The following TSHZ3 variants were observed in gnomAD, a reference collection of about 807,000 sequenced individuals.
TSHZ3 encodes the protein teashirt zinc finger homeobox 3, also known as teashirt homolog 3.
Under a neutral mutation model 64.5 loss-of-function variants are expected in TSHZ3, and 10 were observed. The observed-to-expected ratio is 0.16, with a 90% CI of 0.10 to 0.26. The LOEUF (loss-of-function observed/expected upper bound fraction) is 0.26, where lower values mean the gene tolerates loss of function less well. TSHZ3 is among the 10% of genes least tolerant of loss of function. The pLI, the probability that TSHZ3 is intolerant of heterozygous loss-of-function variation, is 1.00. For synonymous variants in TSHZ3, 608 were observed against 593.1 expected (o/e 1.03, Z -0.36); for missense variants, 1,242 against 1,421.7 (o/e 0.87, Z 2.03).
chr19:31,214,252 C>A (rs776345393), intron 4 of TSHZ3, among the ~76,000 whole-genome samples: 2 of 152,164 alleles, frequency 1.3e-5, no homozygotes, highest in Non-Finnish European at 2.9e-5. Context: ...GGGTCCCAGC[C>A]GCAGGGTAAC....
At chr19:31,172,479 G>A (rs1470350303) in intron 5 of TSHZ3, among the ~76,000 whole-genome samples, 2 of 152,172 alleles carry the variant, frequency 1.3e-5, no homozygotes, top group East Asian at 3.9e-4. Flanking sequence ...TGCAAAACAT[G>A]CAATTCACAC....
intron 1 of TSHZ3, among the ~76,000 whole-genome samples, chr19:31,268,986 G>T (rs1447121699): frequency 6.6e-6 from 1 of 152,122 alleles, no homozygotes; most frequent in Non-Finnish European, 1.5e-5. Context: ...GGTCCCCACA[G>T]GTGCTATCCC....
intron 4 of TSHZ3, among the ~76,000 whole-genome samples, chr19:31,219,716 A>C (rs1309434449): frequency 6.6e-6 from 1 of 151,370 alleles, no homozygotes; most frequent in Non-Finnish European, 1.5e-5. Flanking sequence ...AATTAGGGAA[A>C]GTAATTAAGA....
intron 3 of TSHZ3, among the ~76,000 whole-genome samples, chr19:31,241,450 C>A (rs894841336): frequency 6.6e-6 from 1 of 152,204 alleles, no homozygotes. Context: ...TCCAGCCCCA[C>A]CACACTGCCT....
intron 5 of TSHZ3, among the ~76,000 whole-genome samples, chr19:31,203,485 C>T (rs370279690): frequency 6.6e-6 from 1 of 151,770 alleles, no homozygotes; most frequent in South Asian, 2.1e-4. Context: ...GACTGTAGGG[C>T]ACAAGGTGGG....
At chr19:31,296,653 A>C (rs1976667606) in intron 1 of TSHZ3, among the ~76,000 whole-genome samples, 1 of 152,074 alleles carries the variant, frequency 6.6e-6, no homozygotes, top group Non-Finnish European at 1.5e-5. Flanking sequence ...TGTCATTTTG[A>C]AAGTTATAAA....
intron 4 of TSHZ3, among the ~76,000 whole-genome samples, chr19:31,208,811 A>G (rs1407652519): frequency 6.6e-6 from 1 of 152,124 alleles, no homozygotes; most frequent in Non-Finnish European, 1.5e-5. Context: ...CCATGTGCAG[A>G]TCTTACTTAC....
rs538635029 is a variant in TSHZ3, at chr19:31,307,307, G to A, written c.41-27555C>T. On this transcript the variant is annotated intron_variant, in intron 1 of 1. Transcript: ENST00000240587. ...CATTTTTTTTTTCCATCTGCTTAGT[G>A]CTCCCCCTCCCCATGTTCTGGGAAG... is the stretch of plus-strand genomic sequence containing the variant. Among the ~76,000 whole-genome samples, 83 of 151,798 alleles carry A rather than the reference G, an allele frequency of 5.5e-4. 1 individual carries two copies. Among genetic ancestry groups the A allele is most frequent in the African/African-American group, 1.7e-3 (72 of 41,362 alleles).
In TSHZ3 at chr19:31,164,167, C is replaced by A. The variant is rs574329196; in HGVS notation, n.810-7750G>T. 2.0e-5 allele frequency among the ~76,000 whole-genome samples: 3 copies of A among 152,182 alleles called. No individual in the cohort carries two copies. The South Asian group carries it at 6.3e-4, about 32-fold the overall frequency. On this transcript the variant is annotated intron_variant and non_coding_transcript_variant, in intron 5 of 6. Transcript: ENST00000651361. ...GTAAAGGGGATAGGCATTGGAGCAA[C>A]AGGAAAGAGAACGAGACCAGCCAGG...
At chr19:31,325,770 T>C (rs8101559) in intron 1 of TSHZ3, among the ~76,000 whole-genome samples, 33,663 of 152,074 alleles carry the variant, frequency 0.22, 4,613 homozygotes, top group East Asian at 0.41. Flanking sequence ...AAGAAAAGAC[T>C]AGAAGCAACC....
At chr19:31,228,268 G>A (rs1975496537) in intron 3 of TSHZ3, among the ~76,000 whole-genome samples, 1 of 152,142 alleles carries the variant, frequency 6.6e-6, no homozygotes, top group Non-Finnish European at 1.5e-5. Context: ...GCTCACACCT[G>A]TAATCCCAGC....
At chr19:31,179,996 C>A (rs1974686516) in intron 5 of TSHZ3, among the ~76,000 whole-genome samples, 1 of 152,148 alleles carries the variant, frequency 6.6e-6, no homozygotes, top group Non-Finnish European at 1.5e-5. Flanking sequence ...TACAGCCTAA[C>A]TGTCAGAGCT....
Position 31,156,260 on chromosome 19 carries a change from T to C in TSHZ3, n.871+96A>G, listed in dbSNP as rs1488080091. ...GGAATAGTGTCAGGCACGTAATAGGTATTCAATAAATATTGTTAACTGAAA... is the reference window on the plus strand; with the variant it reads ...GGAATAGTGTCAGGCACGTAATAGGCATTCAATAAATATTGTTAACTGAAA... On this transcript the variant is annotated intron_variant and non_coding_transcript_variant, in intron 6 of 6. Transcript: ENST00000651361. 3.3e-5 allele frequency among the ~76,000 whole-genome samples: 5 copies of C among 152,300 alleles called. No individual in the cohort carries two copies. The East Asian group carries it at 9.6e-4, about 29-fold the overall frequency.
At chr19:31,194,993 T>A (rs954317691) in intron 5 of TSHZ3, among the ~76,000 whole-genome samples, 1 of 151,864 alleles carries the variant, frequency 6.6e-6, no homozygotes, top group Non-Finnish European at 1.5e-5. Flanking sequence ...GAAGAAAGAA[T>A]CTCTGAGCTT....
chr19:31,246,366 T>C (rs1307358150), intron 1 of TSHZ3, among the ~76,000 whole-genome samples: 3 of 152,250 alleles, frequency 2.0e-5, no homozygotes, highest in Non-Finnish European at 4.4e-5. Flanking sequence ...TGTGTTCATG[T>C]ATTACTTGTG....
intron 1 of TSHZ3, among the ~76,000 whole-genome samples, chr19:31,255,423 G>A (rs1050111679): frequency 6.6e-6 from 1 of 152,108 alleles, no homozygotes; most frequent in African/African-American, 2.4e-5. Context: ...TCAGAACAAC[G>A]TCACTAAAGG....
At chr19:31,162,893 A>G (rs903753321) in intron 5 of TSHZ3, among the ~76,000 whole-genome samples, 4 of 152,184 alleles carry the variant, frequency 2.6e-5, no homozygotes, top group African/African-American at 9.7e-5. Flanking sequence ...GAATAATTCC[A>G]GTTCTTAGAG....
intron 1 of TSHZ3, among the ~76,000 whole-genome samples, chr19:31,338,513 A>T (rs1026673706): frequency 3.3e-5 from 5 of 152,100 alleles, no homozygotes; most frequent in African/African-American, 9.7e-5. Flanking sequence ...AAGCCAACCA[A>T]AAGATTTTTT....
At chr19:31,296,948 A>G (rs1042857622) in intron 1 of TSHZ3, among the ~76,000 whole-genome samples, 1 of 152,342 alleles carries the variant, frequency 6.6e-6, no homozygotes, top group African/African-American at 2.4e-5. Flanking sequence ...TGTCACCCAC[A>G]GTGACAACAA....
Sources: allele counts gnomAD v4.1 joint callset (sites outside exome capture counted in the v4.1 genomes callset), GRCh38; gene constraint gnomAD v4.1.1; transcripts MANE v1.5; gene names NCBI Gene and HGNC (gene_info 2026-07-23, HGNC 2026-07-21).